The following RELN variants were observed in gnomAD, a reference collection of about 807,000 sequenced individuals.
RELN encodes reelin.
RELN carries 108 observed loss-of-function variants against 427.6 expected under a neutral mutation model. The ratio of observed to expected loss-of-function variants is 0.25; its 90% CI spans 0.22 to 0.30. RELN has a LOEUF of 0.30. Among genes scored for constraint, RELN ranks in the 10% least tolerant of loss-of-function variants. The probability of loss-of-function intolerance (pLI) is 1.00; values close to 1 mark genes in which losing one functional copy is unlikely to be tolerated. For missense variants in RELN, 3,715 were observed against 4,302.8 expected (o/e 0.86, Z 3.82); for synonymous variants, 1,524 against 1,513.4 (o/e 1.01, Z -0.16).
At chr7:103,846,935 G>A (rs547700624) in intron 2 of RELN, among the ~76,000 whole-genome samples, 41 of 152,334 alleles carry the variant, frequency 2.7e-4, no homozygotes, top group African/African-American at 8.4e-4. Flanking sequence ...ATGCTGGAGA[G>A]GATGTGGAGA....
intron 3 of RELN, among the ~76,000 whole-genome samples, chr7:103,789,094 A>T (rs1297799529): frequency 6.6e-5 from 10 of 152,222 alleles, no homozygotes; most frequent in Non-Finnish European, 8.8e-5. Flanking sequence ...TGGGGAAAGG[A>T]TTCCCTATTT....
At chr7:103,800,583 G>C (rs906639741) in intron 3 of RELN, among the ~76,000 whole-genome samples, 1 of 152,152 alleles carries the variant, frequency 6.6e-6, no homozygotes, top group Non-Finnish European at 1.5e-5. Flanking sequence ...ATTAATTCAA[G>C]ATGGATTAAA....
intron 28 of RELN, among the ~76,000 whole-genome samples, chr7:103,581,907 C>T (rs1008390914): frequency 6.6e-6 from 1 of 151,836 alleles, no homozygotes; most frequent in African/African-American, 2.4e-5. Context: ...CCAGGAAGAC[C>T]AGCAGAAGAA....
chr7:103,477,251 T>C (rs143843119), intron 64 of RELN, among the ~76,000 whole-genome samples: 456 of 152,330 alleles, frequency 3.0e-3, no homozygotes, highest in African/African-American at 0.01. Flanking sequence ...TTTTGAACTG[T>C]TACTCTTTAA....
At chr7:103,897,734 T>C (rs969882635) in intron 2 of RELN, among the ~76,000 whole-genome samples, 1 of 152,048 alleles carries the variant, frequency 6.6e-6, no homozygotes, top group African/African-American at 2.4e-5. Flanking sequence ...ATCTGGTTCA[T>C]TTTCTTGCTC....
intron 45 of RELN, among the ~76,000 whole-genome samples, chr7:103,536,303 A>C (rs138634179): frequency 1.3e-5 from 2 of 152,296 alleles, no homozygotes; most frequent in East Asian, 3.9e-4. Context: ...CATTCAACCC[A>C]TACCCCCTGT....
chr7:103,954,061 C>A lies in RELN; in HGVS notation c.226+35070G>T, dbSNP rs112853595. Among the ~76,000 whole-genome samples the A allele has an allele frequency of 4.1e-4, 63 of 151,974 alleles. No homozygotes were observed. The East Asian group carries it at 9.9e-3, about 24-fold the overall frequency. ...GGTCAAGAGTTTGAGACCAGCCTGG[C>A]CAACAGAGCAAAACCCTGTCTCTAC... On this transcript the variant is annotated intron_variant, in intron 1 of 64. Coordinates refer to ENST00000428762, the MANE Select transcript of RELN (RefSeq NM_005045.4).
At chr7:103,779,603 T>C (rs1791835353) in intron 3 of RELN, among the ~76,000 whole-genome samples, 1 of 152,192 alleles carries the variant, frequency 6.6e-6, no homozygotes, top group South Asian at 2.1e-4. Context: ...CCCAGGCAGT[T>C]TGAGTGTAGA....
At chr7:103,637,548 C>G (rs1355167581) in intron 17 of RELN, among the ~76,000 whole-genome samples, 1 of 152,050 alleles carries the variant, frequency 6.6e-6, no homozygotes, top group Non-Finnish European at 1.5e-5. Context: ...GGAGAAGGTC[C>G]ATAGGTTTTA....
chr7:103,611,503 C>A, intron 21 of RELN, 108 bp downstream of exon 21: 1 of 845,790 alleles, frequency 1.2e-6, no homozygotes, highest in Non-Finnish European at 1.9e-6. Flanking sequence ...AACACTGTTT[C>A]TTTTCAACCA....
chr7:103,606,669 G>A (rs946467082), intron 22 of RELN, among the ~76,000 whole-genome samples: 1 of 152,118 alleles, frequency 6.6e-6, no homozygotes, highest in African/African-American at 2.4e-5. Context: ...TGGGCATGGG[G>A]AAGGGTTTCA....
intron 2 of RELN, among the ~76,000 whole-genome samples, chr7:103,907,509 C>A (rs532132579): frequency 2.7e-5 from 4 of 149,348 alleles, no homozygotes; most frequent in African/African-American, 9.9e-5. Context: ...TAAGCAAATC[C>A]GTAGAGACAG....
At chr7:103,671,636 C>CT (rs766755372) in intron 11 of RELN, among the ~76,000 whole-genome samples, 1 of 151,954 alleles carries the variant, frequency 6.6e-6, no homozygotes, top group Admixed American at 6.6e-5. Context: ...AGTGTTTTTA[C>CT]TTTTTTCATG....
chr7:103,475,972 C>G (rs1007650824), intron 64 of RELN, among the ~76,000 whole-genome samples: 1 of 151,988 alleles, frequency 6.6e-6, no homozygotes, highest in Non-Finnish European at 1.5e-5. Context: ...AGGCTGGTGT[C>G]GAACTCCTGG....
chr7:103,722,125 C>G (rs1329950452), intron 8 of RELN, among the ~76,000 whole-genome samples: 2 of 151,968 alleles, frequency 1.3e-5, no homozygotes, highest in African/African-American at 4.8e-5. Flanking sequence ...AGAAAATAAC[C>G]CAAAATGTAA....
chr7:103,736,924 G>C (rs1790508560), intron 6 of RELN, among the ~76,000 whole-genome samples: 1 of 152,090 alleles, frequency 6.6e-6, no homozygotes, highest in Non-Finnish European at 1.5e-5. Context: ...GGGAATGAGG[G>C]GGAGGAAGCT....
intron 11 of RELN, among the ~76,000 whole-genome samples, chr7:103,671,934 A>G (rs550795075): frequency 1.3e-5 from 2 of 152,160 alleles, no homozygotes; most frequent in Non-Finnish European, 2.9e-5. Flanking sequence ...ACTACCTTCA[A>G]TTCATTTACC....
At chr7:103,745,997 C>G (rs371813224) in intron 6 of RELN, among the ~76,000 whole-genome samples, 5 of 151,992 alleles carry the variant, frequency 3.3e-5, no homozygotes, top group Non-Finnish European at 5.9e-5. Flanking sequence ...GGAGGCATCA[C>G]GCTACCTGAC....
Position 103,661,775 on chromosome 7 carries a change from T to G in RELN, c.1290-248A>C, listed in dbSNP as rs138064329. ...AGAGGGATGAATTTAATCAATCTTG[T>G]ATACGGTGTGTCTACTTGTGATCAG... On this transcript the variant is annotated intron_variant, in intron 11 of 64. Coordinates refer to ENST00000428762, the MANE Select transcript of RELN (RefSeq NM_005045.4). Among the ~76,000 whole-genome samples, 26 of 152,320 alleles carry G rather than the reference T, an allele frequency of 1.7e-4. No homozygotes were observed. The East Asian group carries it at 5.0e-3, about 29-fold the overall frequency.
Sources: gnomAD v4.1 joint callset for allele counts (sites outside exome capture counted in the v4.1 genomes callset) on GRCh38, gnomAD v4.1.1 for gene constraint, MANE v1.5 for transcripts, NCBI Gene and HGNC (gene_info 2026-07-23, HGNC 2026-07-21) for gene names.